Variants in MBNL2 observed in about 807,000 individuals in gnomAD.
MBNL2 encodes muscleblind like splicing regulator 2.
Under a neutral mutation model 41.9 loss-of-function variants are expected in MBNL2, and 17 were observed. The observed-to-expected ratio is 0.41, with a 90% CI of 0.28 to 0.61. The LOEUF (loss-of-function observed/expected upper bound fraction) is 0.61, where lower values mean the gene tolerates loss of function less well. Among genes scored for constraint, MBNL2 ranks in the 20% least tolerant of loss-of-function variants. MBNL2 has a pLI of 0.35. For synonymous variants in MBNL2, 195 were observed against 182.9 expected (o/e 1.07, Z -0.53); for missense variants, 336 against 505.6 (o/e 0.66, Z 3.22).
At chr13:97,218,854 G>C (rs1369398333), upstream of MBNL2, among the ~76,000 whole-genome samples, 2 of 151,566 alleles carry the variant, frequency 1.3e-5, no homozygotes, top group Non-Finnish European at 2.9e-5. Flanking sequence ...TAACATACAT[G>C]TGTTACGGAG....
chr13:97,305,818 G>T (rs1356478816), intron 2 of MBNL2, among the ~76,000 whole-genome samples: 1 of 152,066 alleles, frequency 6.6e-6, no homozygotes, highest in African/African-American at 2.4e-5. Context: ...TATATTTTTT[G>T]TCAGAGTCTC....
At chr13:97,335,224 G>C (rs1278665141) in intron 3 of MBNL2, among the ~76,000 whole-genome samples, 1 of 152,110 alleles carries the variant, frequency 6.6e-6, no homozygotes, top group African/African-American at 2.4e-5. Flanking sequence ...TGGGGAAAAG[G>C]AGTGCATTTA....
intron 2 of MBNL2, among the ~76,000 whole-genome samples, chr13:97,331,535 A>G (rs17268915): frequency 0.22 from 33,711 of 152,156 alleles, 4,406 homozygotes; most frequent in Non-Finnish European, 0.3. Flanking sequence ...TCCTCCCTGG[A>G]TTTTAACTAT....
At chr13:97,327,408 T>C (rs2059989464) in intron 2 of MBNL2, among the ~76,000 whole-genome samples, 1 of 151,760 alleles carries the variant, frequency 6.6e-6, no homozygotes, top group Admixed American at 6.6e-5. Flanking sequence ...AGAAAATAGA[T>C]CTGGAAAAAA....
the MBNL2 span, among the ~76,000 whole-genome samples, chr13:97,157,420 T>C: frequency 5.2e-5 from 7 of 133,778 alleles, no homozygotes; most frequent in South Asian, 1.4e-3. Context: ...GGCCAGAACT[T>C]CCAACACTAT....
the MBNL2 span, among the ~76,000 whole-genome samples, chr13:97,165,873 C>A: frequency 1.3e-5 from 2 of 152,210 alleles, no homozygotes; most frequent in Admixed American, 6.5e-5. Context: ...CATGCAGAAT[C>A]TCCTCTGTAT....
At chr13:97,184,069 C>T in the MBNL2 span, among the ~76,000 whole-genome samples, 1 of 152,128 alleles carries the variant, frequency 6.6e-6, no homozygotes, top group Non-Finnish European at 1.5e-5. Flanking sequence ...CTATCTGATC[C>T]AAACCATGGG....
At chr13:97,312,850 A>G (rs1594195656) in intron 2 of MBNL2, among the ~76,000 whole-genome samples, 1 of 152,234 alleles carries the variant, frequency 6.6e-6, no homozygotes, top group East Asian at 1.9e-4. Flanking sequence ...CTGTGAATTC[A>G]ATTAAAAATT....
chr13:97,274,857 T>C (rs2051860905), intron 1 of MBNL2, among the ~76,000 whole-genome samples: 1 of 152,242 alleles, frequency 6.6e-6, no homozygotes, highest in South Asian at 2.1e-4. Flanking sequence ...CAGCATTCCA[T>C]ACTACAGAGC....
In MBNL2 at chr13:97,393,777, C is replaced by T. The variant is rs1281832308; in HGVS notation, c.*2328C>T. On this transcript the variant is annotated 3_prime_UTR_variant, in exon 9 of 9. Coordinates refer to ENST00000679496, the MANE Select transcript of MBNL2 (RefSeq NM_001382683.1). ...AGAAGTCTGACTATGATGAATAAAT[C>T]TTAAATGCTTTGTTTAATTAAAAAA... The T allele has an allele frequency of 3.9e-5, 6 of 152,350 alleles. No homozygotes were observed. Among genetic ancestry groups the T allele is most frequent in the Non-Finnish European group, 8.8e-5 (6 of 67,930 alleles). The allele number at this position is 152,350 out of a possible 1,614,324, so 9.4% of individuals were successfully genotyped here. A position where few individuals can be genotyped will look rare whatever the true frequency, so the allele number is the denominator to read the frequency against.
intron 1 of MBNL2, among the ~76,000 whole-genome samples, chr13:97,262,324 C>T (rs1013115068): frequency 6.6e-6 from 1 of 152,338 alleles, no homozygotes; most frequent in African/African-American, 2.4e-5. Flanking sequence ...TGACACCTAG[C>T]CACCACAAAT....
At chr13:97,262,241 C>A (rs963773981) in intron 1 of MBNL2, among the ~76,000 whole-genome samples, 2 of 152,160 alleles carry the variant, frequency 1.3e-5, no homozygotes, top group Non-Finnish European at 2.9e-5. Context: ...CACTGAGTGC[C>A]TCCTTCCCCA....
At chr13:97,343,714 C>T (rs766107989) in intron 4 of MBNL2, among the ~76,000 whole-genome samples, 1 of 152,236 alleles carries the variant, frequency 6.6e-6, no homozygotes, top group African/African-American at 2.4e-5. Context: ...CAAGAACAAG[C>T]ATGGCTGCTC....
intron 7 of MBNL2, among the ~76,000 whole-genome samples, chr13:97,364,357 C>T (rs1019225728): frequency 1.3e-5 from 2 of 152,192 alleles, no homozygotes; most frequent in African/African-American, 4.8e-5. Context: ...TCAGCCCCAA[C>T]TCTGCACTAT....
intron 1 of MBNL2, among the ~76,000 whole-genome samples, chr13:97,238,594 A>G (rs569750691): frequency 6.6e-6 from 1 of 152,272 alleles, no homozygotes; most frequent in African/African-American, 2.4e-5. Context: ...AACGCCTCTG[A>G]CCTTTGGGAA....
the MBNL2 span, among the ~76,000 whole-genome samples, chr13:97,169,158 C>T: frequency 6.6e-6 from 1 of 152,174 alleles, no homozygotes; most frequent in Admixed American, 6.5e-5. Flanking sequence ...GGACCAATAA[C>T]TTCTTATTGA....
intron 4 of MBNL2, among the ~76,000 whole-genome samples, chr13:97,343,748 C>G (rs875104): frequency 0.12 from 17,923 of 152,210 alleles, 1,124 homozygotes; most frequent in East Asian, 0.17. Context: ...CATATTAGTT[C>G]TGATTGTGTT....
At chr13:97,204,949 G>A in the MBNL2 span, among the ~76,000 whole-genome samples, 1 of 151,838 alleles carries the variant, frequency 6.6e-6, no homozygotes, top group Non-Finnish European at 1.5e-5. Flanking sequence ...CTGAGACAGG[G>A]GTTCATGAAG....
At chr13:97,169,555 C>G in the MBNL2 span, among the ~76,000 whole-genome samples, 2 of 152,184 alleles carry the variant, frequency 1.3e-5, no homozygotes, top group Admixed American at 6.5e-5. Context: ...CTGGCTGAAG[C>G]CAAATGTTTT....
Sources: gnomAD v4.1 joint callset for allele counts (sites outside exome capture counted in the v4.1 genomes callset) on GRCh38, gnomAD v4.1.1 for gene constraint, MANE v1.5 for transcripts, NCBI Gene and HGNC (gene_info 2026-07-23, HGNC 2026-07-21) for gene names.